FOXP2: variants seen among roughly 807,000 people sequenced by gnomAD.
FOXP2 encodes forkhead box P2.
Under a neutral mutation model 115.8 loss-of-function variants are expected in FOXP2, and 12 were observed. That is an observed-to-expected ratio of 0.10 (90% confidence interval 0.07 to 0.17). The LOEUF (loss-of-function observed/expected upper bound fraction) is 0.17, where lower values mean the gene tolerates loss of function less well. Ranked by LOEUF, FOXP2 falls within the 10% of genes least tolerant of loss-of-function variation. The pLI is 1.00. For synonymous variants in FOXP2, 328 were observed against 297.7 expected, an observed-to-expected ratio of 1.10 and a Z score of -1.05; for missense variants, 629 against 843.5, an observed-to-expected ratio of 0.75 and a Z score of 3.15.
intron 2 of FOXP2, among the ~76,000 whole-genome samples, chr7:114,460,539 A>AG (rs1795519548): frequency 6.6e-6 from 1 of 152,238 alleles, no homozygotes; most frequent in Non-Finnish European, 1.5e-5. Flanking sequence ...GAATGTTGAC[A>AG]GGGATTCATG....
At chr7:114,468,282 T>C (rs1290692158) in intron 2 of FOXP2, among the ~76,000 whole-genome samples, 1 of 152,130 alleles carries the variant, frequency 6.6e-6, no homozygotes, top group Admixed American at 6.6e-5. Flanking sequence ...CCCGTATCTA[T>C]TCAATCCAGG....
At chr7:114,542,612 T>C (rs1023177313) in intron 3 of FOXP2, among the ~76,000 whole-genome samples, 2 of 152,140 alleles carry the variant, frequency 1.3e-5, no homozygotes, top group Admixed American at 6.6e-5. Flanking sequence ...AGAAAATCTA[T>C]TACAAAATGA....
chr7:114,333,075 G>A (rs940858119), intron 2 of FOXP2, among the ~76,000 whole-genome samples: 5 of 151,502 alleles, frequency 3.3e-5, no homozygotes, highest in Non-Finnish European at 7.4e-5. Context: ...TATTTGGTGG[G>A]GAGAAAATAG....
intron 2 of FOXP2, among the ~76,000 whole-genome samples, chr7:114,496,148 C>T (rs908667346): frequency 4.6e-5 from 7 of 151,946 alleles, no homozygotes; most frequent in African/African-American, 1.4e-4. Context: ...CTATAATAAT[C>T]CTAGTATGAC....
At chr7:114,670,167 G>T (rs1002647038) in intron 16 of FOXP2, among the ~76,000 whole-genome samples, 4 of 151,868 alleles carry the variant, frequency 2.6e-5, no homozygotes, top group Non-Finnish European at 4.4e-5. Flanking sequence ...TTCGTTGTAG[G>T]TGATTATTAT....
chr7:114,189,451 A>C (rs1486971514), intron 1 of FOXP2, among the ~76,000 whole-genome samples: 1 of 152,152 alleles, frequency 6.6e-6, no homozygotes, highest in Non-Finnish European at 1.5e-5. Flanking sequence ...AATAAATCCC[A>C]TAAAGATATA....
chr7:114,167,849 T>G (rs1029586138), intron 1 of FOXP2, among the ~76,000 whole-genome samples: 2 of 147,882 alleles, frequency 1.4e-5, no homozygotes, highest in Admixed American at 7.0e-5. Flanking sequence ...GGCAGGAGAA[T>G]GGTGTGAACC....
intron 3 of FOXP2, among the ~76,000 whole-genome samples, chr7:114,567,563 G>T (rs1801087023): frequency 6.6e-6 from 1 of 152,202 alleles, no homozygotes; most frequent in East Asian, 1.9e-4. Context: ...CCAGTACATT[G>T]TGTGGCCTTT....
intron 16 of FOXP2, among the ~76,000 whole-genome samples, chr7:114,678,736 CTTAA>C (rs964236213): frequency 1.3e-4 from 19 of 151,996 alleles, no homozygotes; most frequent in African/African-American, 4.6e-4. Flanking sequence ...TTACTAGCAC[CTTAA>C]TCACAGAGAA....
chr7:114,646,954 G>T (rs1380269502), intron 8 of FOXP2, among the ~76,000 whole-genome samples: 1 of 151,872 alleles, frequency 6.6e-6, no homozygotes, highest in African/African-American at 2.4e-5. Flanking sequence ...GATTTGGGGA[G>T]CAAAATGATA....
intron 2 of FOXP2, among the ~76,000 whole-genome samples, chr7:114,341,350 G>T (rs994988273): frequency 4.0e-5 from 6 of 151,130 alleles, no homozygotes; most frequent in African/African-American, 1.5e-4. Flanking sequence ...ATCATGTAGT[G>T]TCTGACATGT....
chr7:114,604,182 A>G (rs1383733911), intron 3 of FOXP2, among the ~76,000 whole-genome samples: 1 of 152,148 alleles, frequency 6.6e-6, no homozygotes, highest in African/African-American at 2.4e-5. Context: ...CCTGGTTTGC[A>G]GATGGTAAGC....
At chr7:114,387,633 A>G (rs555912091) in intron 2 of FOXP2, among the ~76,000 whole-genome samples, 86 of 152,316 alleles carry the variant, frequency 5.6e-4, no homozygotes, top group Admixed American at 1.2e-3. Flanking sequence ...AGCAAGCTCA[A>G]TAGACACACA....
intron 2 of FOXP2, among the ~76,000 whole-genome samples, chr7:114,468,086 C>T (rs1335071817): frequency 6.6e-6 from 1 of 152,182 alleles, no homozygotes; most frequent in Non-Finnish European, 1.5e-5. Context: ...CTACCCAAAG[C>T]TTCATGTACA....
chr7:114,605,828 T>C (rs1803288968), intron 3 of FOXP2, among the ~76,000 whole-genome samples: 1 of 152,142 alleles, frequency 6.6e-6, no homozygotes, highest in Non-Finnish European at 1.5e-5. Flanking sequence ...TAAGGAAAAA[T>C]AAACTATCTT....
chr7:114,406,012 T>C (rs373226926), intron 2 of FOXP2, among the ~76,000 whole-genome samples: 13 of 151,874 alleles, frequency 8.6e-5, no homozygotes, highest in South Asian at 2.1e-4. Context: ...GAGAAATAAC[T>C]GTCAATTTTA....
chr7:114,567,534 T>A (rs903771272), intron 3 of FOXP2, among the ~76,000 whole-genome samples: 5 of 152,146 alleles, frequency 3.3e-5, no homozygotes, highest in African/African-American at 1.2e-4. Flanking sequence ...CCTTCTGAAG[T>A]TAATGTTGAA....
In FOXP2 at chr7:114,692,949, T is replaced by C. The variant is rs920010357; in HGVS notation, c.*3023T>C. The C allele has an allele frequency of 2.2e-6, 1 of 453,856 alleles. No homozygotes were observed. The highest frequency in any genetic ancestry group is 2.0e-5 in the African/African-American group (1 of 50,016). 28.1% of individuals were successfully genotyped at this position (453,856 alleles called of 1,614,324 possible). On this transcript the variant is annotated 3_prime_UTR_variant, in exon 17 of 17. Coordinates refer to ENST00000350908, the MANE Select transcript of FOXP2 (RefSeq NM_014491.4). ...ATTGTAACAGCTGTTATTCGTTCTG[T>C]ATTCATGGCTTTCACTGCTGAATAA... is the stretch of plus-strand genomic sequence containing the variant.
chr7:114,270,743 T>C (rs1195441732), intron 1 of FOXP2, among the ~76,000 whole-genome samples: 1 of 152,152 alleles, frequency 6.6e-6, no homozygotes, highest in Non-Finnish European at 1.5e-5. Flanking sequence ...TGCACATATT[T>C]TCTCCATTCT....
Sources: allele counts gnomAD v4.1 joint callset (sites outside exome capture counted in the v4.1 genomes callset), GRCh38; gene constraint gnomAD v4.1.1; transcripts MANE v1.5; gene names NCBI Gene and HGNC (gene_info 2026-07-23, HGNC 2026-07-21).